The following MEGF11 variants were observed in gnomAD, a reference collection of about 807,000 sequenced individuals.
MEGF11 encodes multiple EGF like domains 11.
MEGF11 carries 126 observed loss-of-function variants against 146.6 expected under a neutral mutation model. The observed-to-expected ratio is 0.86, with a 90% CI of 0.74 to 1.00. The LOEUF (loss-of-function observed/expected upper bound fraction) is 1.00, where lower values mean the gene tolerates loss of function less well. Ranked by LOEUF, MEGF11 falls within the 50% of genes least tolerant of loss-of-function variation. The pLI is 0.00. For synonymous variants in MEGF11, 532 were observed against 583.4 expected, an observed-to-expected ratio of 0.91 and a Z score of 1.27; for missense variants, 1,509 against 1,521.2, an observed-to-expected ratio of 0.99 and a Z score of 0.13.
At chr15:65,972,363 C>T (rs377473407) in intron 7 of MEGF11, among the ~76,000 whole-genome samples, 2 of 152,066 alleles carry the variant, frequency 1.3e-5, no homozygotes, top group South Asian at 2.1e-4. Context: ...GGCATGTTAT[C>T]GTAAACTTTT....
intron 5 of MEGF11, among the ~76,000 whole-genome samples, chr15:66,040,949 G>A (rs565759510): frequency 6.6e-6 from 1 of 151,428 alleles, no homozygotes; most frequent in South Asian, 2.1e-4. Flanking sequence ...TCACAAAGAG[G>A]CCACTTAGGC....
Position 66,045,016 on chromosome 15 carries a change from G to C in MEGF11, c.394+49386C>G, listed in dbSNP as rs147131531. ...CAGACTGGATTATGAAGCTCAAACA[G>C]TGCAAGATGAAAAAGTATATTAAGT... On this transcript the variant is annotated intron_variant, in intron 5 of 25. Coordinates refer to ENST00000395614, the MANE Select transcript of MEGF11 (RefSeq NM_001385028.1). Among the ~76,000 whole-genome samples the C allele has an allele frequency of 2.0e-3, 297 of 152,248 alleles. 3 individuals carry two copies. Among genetic ancestry groups the C allele is most frequent in the African/African-American group, 6.9e-3 (287 of 41,530 alleles).
chr15:65,963,428 A>AGAT (rs1400232302), intron 9 of MEGF11, among the ~76,000 whole-genome samples: 12 of 151,132 alleles, frequency 7.9e-5, no homozygotes, highest in African/African-American at 3.0e-4. Context: ...ATCAGTTCTA[A>AGAT]GATGTACTTC....
intron 13 of MEGF11, among the ~76,000 whole-genome samples, chr15:65,926,260 C>T (rs527709654): frequency 2.0e-5 from 3 of 152,270 alleles, no homozygotes; most frequent in African/African-American, 7.2e-5. Context: ...CCTATTGGCC[C>T]TAATGTCCTG....
intron 5 of MEGF11, among the ~76,000 whole-genome samples, chr15:66,074,428 C>T (rs1212028225): frequency 6.6e-6 from 1 of 152,190 alleles, no homozygotes; most frequent in African/African-American, 2.4e-5. Flanking sequence ...TCTTGAGGGA[C>T]CTGTAGCTTT....
chr15:66,127,886 C>A (rs2088446456), intron 2 of MEGF11, among the ~76,000 whole-genome samples: 1 of 152,192 alleles, frequency 6.6e-6, no homozygotes, highest in Admixed American at 6.5e-5. Context: ...GCCACACATC[C>A]AAGCTGCCAC....
At chr15:66,030,572 G>A (rs544939240) in intron 5 of MEGF11, among the ~76,000 whole-genome samples, 15 of 152,260 alleles carry the variant, frequency 9.9e-5, no homozygotes, top group African/African-American at 3.4e-4. Flanking sequence ...ACCACGCCCA[G>A]CTAATTTTTG....
chr15:65,900,646 G>C (rs2078473599), intron 24 of MEGF11, among the ~76,000 whole-genome samples: 1 of 152,164 alleles, frequency 6.6e-6, no homozygotes, highest in South Asian at 2.1e-4. Context: ...TGCTTATTGA[G>C]GAAGTCATTG....
chr15:65,968,577 T>TC (rs1156367187), intron 8 of MEGF11, among the ~76,000 whole-genome samples: 2 of 152,086 alleles, frequency 1.3e-5, no homozygotes, highest in Non-Finnish European at 2.9e-5. Context: ...CTTTTTTTTT[T>TC]CCCTACTCAC....
chr15:66,117,670 C>G (rs945966866), intron 4 of MEGF11, among the ~76,000 whole-genome samples: 2 of 152,122 alleles, frequency 1.3e-5, no homozygotes, highest in African/African-American at 4.8e-5. Flanking sequence ...TGTCCTACCC[C>G]TGGTCTCATT....
At chr15:66,229,007 G>A (rs1015635813) in intron 1 of MEGF11, among the ~76,000 whole-genome samples, 3 of 152,016 alleles carry the variant, frequency 2.0e-5, no homozygotes, top group African/African-American at 7.2e-5. Context: ...CTAGCGTCAG[G>A]GTGCTGCACT....
chr15:65,958,615 G>A (rs1286149880), intron 9 of MEGF11, among the ~76,000 whole-genome samples: 1 of 152,176 alleles, frequency 6.6e-6, no homozygotes, highest in Non-Finnish European at 1.5e-5. Context: ...GGAGATCTGG[G>A]ACTCCTCTGA....
intron 1 of MEGF11, among the ~76,000 whole-genome samples, chr15:66,203,936 T>A (rs573753716): frequency 1.3e-5 from 2 of 152,280 alleles, no homozygotes; most frequent in African/African-American, 4.8e-5. Flanking sequence ...TATCTTGATA[T>A]AATTTATTTT....
Position 65,965,030 on chromosome 15 carries a change from C to T in MEGF11, c.990G>A (p.Thr330=), listed in dbSNP as rs139443381. 1.3e-4 allele frequency: 210 copies of T among 1,583,100 alleles called. 1 individual carries two copies. The African/African-American group carries it at 2.6e-3, about 19-fold the overall frequency. Residue 330 remains threonine, a synonymous_variant, in exon 9 of 26, where the codon ACG becomes ACA. Transcript: ENST00000395614. The stretch of plus-strand genomic sequence containing the variant: ...AGCCAGGCTCACACTCGCAGGCACC[C>T]GTGGTGGGTGAACACTGCCCCCCAT... ...CHNGGQCSPT[T]GACECEPGYK...
intron 5 of MEGF11, among the ~76,000 whole-genome samples, chr15:66,010,317 T>C (rs2082673504): frequency 6.6e-6 from 1 of 151,912 alleles, no homozygotes; most frequent in South Asian, 2.1e-4. Context: ...CTCAGCCTCC[T>C]GAGTAGCTGG....
At chr15:66,163,024 AC>A (rs2089997074) in intron 1 of MEGF11, among the ~76,000 whole-genome samples, 1 of 152,174 alleles carries the variant, frequency 6.6e-6, no homozygotes, top group African/African-American at 2.4e-5. Context: ...CTGCTCATAT[AC>A]CCTGAAGTTT....
intron 5 of MEGF11, among the ~76,000 whole-genome samples, chr15:66,072,269 A>T (rs1444721561): frequency 6.6e-6 from 1 of 152,206 alleles, no homozygotes; most frequent in Non-Finnish European, 1.5e-5. Context: ...ATGAGGGCTG[A>T]CGAACACAAA....
intron 1 of MEGF11, among the ~76,000 whole-genome samples, chr15:66,149,982 G>C (rs963791945): frequency 2.6e-5 from 4 of 152,240 alleles, no homozygotes; most frequent in African/African-American, 9.6e-5. Context: ...AGCAGTGCCT[G>C]CTGGACCCCT....
intron 5 of MEGF11, among the ~76,000 whole-genome samples, chr15:66,092,812 G>T (rs1223974374): frequency 1.3e-5 from 2 of 152,166 alleles, no homozygotes; most frequent in Admixed American, 6.5e-5. Flanking sequence ...CCTCCAATAG[G>T]CTGCCTTCAG....
Sources: allele counts gnomAD v4.1 joint callset (sites outside exome capture counted in the v4.1 genomes callset), GRCh38; gene constraint gnomAD v4.1.1; transcripts MANE v1.5; gene names NCBI Gene and HGNC (gene_info 2026-07-23, HGNC 2026-07-21).